Variants in PDE4B observed in about 807,000 individuals in gnomAD.
PDE4B encodes 3',5'-cyclic-AMP phosphodiesterase 4B.
A neutral mutation model predicts 82.2 loss-of-function variants in PDE4B; 20 were observed. The observed-to-expected ratio is 0.24, with a 90% CI of 0.17 to 0.35. PDE4B has a LOEUF of 0.35. Ranked by LOEUF, PDE4B falls within the 10% of genes least tolerant of loss-of-function variation. The pLI is 1.00. For synonymous variants in PDE4B, 320 were observed against 318.9 expected (o/e 1.00, Z -0.04); for missense variants, 655 against 907.2 (o/e 0.72, Z 3.57).
At chr1:65,882,280 T>C (rs1646716833) in intron 1 of PDE4B, among the ~76,000 whole-genome samples, 2 of 152,212 alleles carry the variant, frequency 1.3e-5, no homozygotes, top group South Asian at 4.1e-4. Context: ...ATTACTAAAC[T>C]GAAGCTGTTT....
intron 3 of PDE4B, among the ~76,000 whole-genome samples, chr1:66,196,271 A>G (rs752014433): frequency 2.0e-5 from 3 of 152,212 alleles, no homozygotes; most frequent in Non-Finnish European, 4.4e-5. Flanking sequence ...AAAACCCTGG[A>G]CAAGTCACTT....
intron 3 of PDE4B, among the ~76,000 whole-genome samples, chr1:66,189,800 T>A (rs1647584016): frequency 1.3e-5 from 2 of 151,848 alleles, no homozygotes; most frequent in Admixed American, 1.3e-4. Context: ...TAGCTTGGAG[T>A]AGTTTGATTG....
chr1:65,983,661 C>A (rs1220654379), intron 3 of PDE4B, among the ~76,000 whole-genome samples: 4 of 152,154 alleles, frequency 2.6e-5, no homozygotes, highest in African/African-American at 9.7e-5. Flanking sequence ...GAAAGGCCTG[C>A]AACATATTCT....
intron 1 of PDE4B, among the ~76,000 whole-genome samples, chr1:65,902,381 T>C (rs1646981461): frequency 6.6e-6 from 1 of 152,152 alleles, no homozygotes; most frequent in Admixed American, 6.6e-5. Context: ...TGAGCTCTTA[T>C]TGGTAGCTAA....
intron 7 of PDE4B, 149 bp from the exon 8 acceptor site, chr1:66,332,359 G>C (rs1199588479): frequency 2.5e-6 from 4 of 1,611,232 alleles, no homozygotes; most frequent in Admixed American, 3.3e-5. Flanking sequence ...CTGGTGGAGA[G>C]AGCTGGAAGG....
chr1:66,207,866 A>G (rs941462606), intron 3 of PDE4B, among the ~76,000 whole-genome samples: 7 of 152,198 alleles, frequency 4.6e-5, no homozygotes, highest in African/African-American at 1.7e-4. Flanking sequence ...TCCTGAAATT[A>G]AGTCTTCAGA....
At chr1:65,823,186 A>G (rs1645974447) in intron 1 of PDE4B, among the ~76,000 whole-genome samples, 1 of 151,992 alleles carries the variant, frequency 6.6e-6, no homozygotes, top group African/African-American at 2.4e-5. Context: ...TCGCAAGGTC[A>G]GGAGTTCGAG....
chr1:65,950,246 C>T (rs772788847), intron 3 of PDE4B, among the ~76,000 whole-genome samples: 9 of 151,944 alleles, frequency 5.9e-5, no homozygotes, highest in African/African-American at 1.4e-4. Flanking sequence ...GCTATTGCAC[C>T]GCTTCCACCT....
At chr1:66,236,281 G>C (rs1652443072) in intron 3 of PDE4B, among the ~76,000 whole-genome samples, 2 of 152,038 alleles carry the variant, frequency 1.3e-5, no homozygotes, top group South Asian at 4.1e-4. Context: ...CTAGCTGTAA[G>C]AATCTTCAGA....
At chr1:66,233,585 C>T (rs770377473) in intron 3 of PDE4B, among the ~76,000 whole-genome samples, 33 of 152,124 alleles carry the variant, frequency 2.2e-4, no homozygotes, top group Admixed American at 5.9e-4. Context: ...AACAGGCATT[C>T]GTACCTGGTT....
intron 3 of PDE4B, among the ~76,000 whole-genome samples, chr1:66,164,197 C>T (rs1646673374): frequency 6.6e-6 from 1 of 151,712 alleles, no homozygotes; most frequent in South Asian, 2.1e-4. Flanking sequence ...TTCTTTTTTC[C>T]CCAACCCAAG....
At chr1:66,352,473 C>T (rs1020660683) in intron 8 of PDE4B, among the ~76,000 whole-genome samples, 11 of 152,140 alleles carry the variant, frequency 7.2e-5, no homozygotes, top group African/African-American at 2.7e-4. Context: ...CAACAGGGTC[C>T]TGTGGCAATG....
intron 1 of PDE4B, among the ~76,000 whole-genome samples, chr1:65,808,919 A>AT (rs1277279823): frequency 6.6e-6 from 1 of 152,168 alleles, no homozygotes; most frequent in Non-Finnish European, 1.5e-5. Context: ...AGAGTAGCTC[A>AT]TTTTTTGGAC....
chr1:65,870,525 A>G (rs35293862), intron 1 of PDE4B, among the ~76,000 whole-genome samples: 27,502 of 152,208 alleles, frequency 0.18, 2,931 homozygotes, highest in South Asian at 0.38. Context: ...TAAAAATGAG[A>G]TAAAAACAAA....
chr1:65,866,537 C>CT (rs778219554), intron 1 of PDE4B, among the ~76,000 whole-genome samples: 26 of 151,722 alleles, frequency 1.7e-4, no homozygotes, highest in Non-Finnish European at 2.9e-4. Context: ...GAAAAAGAAA[C>CT]TTTTTTTTTG....
chr1:66,247,182 G>A (rs1653382224), intron 3 of PDE4B, among the ~76,000 whole-genome samples: 1 of 152,156 alleles, frequency 6.6e-6, no homozygotes, highest in Non-Finnish European at 1.5e-5. Context: ...AAAGGCCATG[G>A]AGTTTGCTCC....
At chr1:65,872,637 T>G (rs1007728688) in intron 1 of PDE4B, among the ~76,000 whole-genome samples, 4 of 152,210 alleles carry the variant, frequency 2.6e-5, no homozygotes, top group African/African-American at 9.6e-5. Flanking sequence ...GAGGACAGAA[T>G]GACAGTGTTA....
chr1:66,358,693 G>T (rs1358616902), intron 9 of PDE4B, among the ~76,000 whole-genome samples: 2 of 129,814 alleles, frequency 1.5e-5, no homozygotes, highest in Admixed American at 7.6e-5. Context: ...AAAAAAAAAA[G>T]TATTAACAGT....
At chr1:65,828,156 T>G (rs1425369965) in intron 1 of PDE4B, among the ~76,000 whole-genome samples, 1 of 151,452 alleles carries the variant, frequency 6.6e-6, no homozygotes, top group East Asian at 1.9e-4. Context: ...TCAGAAGGAA[T>G]GTCATATAGA....
Sources: allele counts gnomAD v4.1 joint callset (sites outside exome capture counted in the v4.1 genomes callset), GRCh38; gene constraint gnomAD v4.1.1; transcripts MANE v1.5; gene names NCBI Gene and HGNC (gene_info 2026-07-23, HGNC 2026-07-21).